DACH1: variants seen among roughly 807,000 people sequenced by gnomAD.
DACH1 encodes the protein dachshund homolog 1.
In DACH1, 12 loss-of-function variants were observed where a neutral mutation model predicts 54.2. That is an observed-to-expected ratio of 0.22 (90% CI 0.14 to 0.36). The LOEUF (loss-of-function observed/expected upper bound fraction) is 0.36, where lower values mean the gene tolerates loss of function less well. DACH1 is among the 10% of genes least tolerant of loss of function. The pLI, the probability that DACH1 is intolerant of heterozygous loss-of-function variation, is 1.00. For missense variants in DACH1, 805 were observed against 929.8 expected (o/e 0.87, Z 1.75); for synonymous variants, 386 against 366.2 (o/e 1.05, Z -0.62).
At chr13:71,675,223 C>A in intron 2 of DACH1, 4 of 1,570,888 alleles carry the variant, frequency 2.5e-6, no homozygotes, top group Admixed American at 3.3e-5. Flanking sequence ...TGAAGTTAGA[C>A]GTTATCAGAA....
chr13:71,476,313 G>A (rs999370003), intron 8 of DACH1, among the ~76,000 whole-genome samples: 1 of 152,058 alleles, frequency 6.6e-6, no homozygotes, highest in Non-Finnish European at 1.5e-5. Flanking sequence ...CCCTAAAAAC[G>A]CTTTGGAAAG....
intron 2 of DACH1, among the ~76,000 whole-genome samples, chr13:71,680,599 T>C (rs2138699645): frequency 6.6e-6 from 1 of 152,282 alleles, no homozygotes; most frequent in African/African-American, 2.4e-5. Context: ...GGGAGACTCT[T>C]TGTCTTAAAA....
chr13:71,642,917 C>T (rs549814161), intron 2 of DACH1, among the ~76,000 whole-genome samples: 13 of 151,708 alleles, frequency 8.6e-5, no homozygotes, highest in African/African-American at 3.1e-4. Context: ...CCCAGCTACT[C>T]GGGAGGCTGA....
chr13:71,605,323 A>G (rs1874792342), intron 3 of DACH1, among the ~76,000 whole-genome samples: 1 of 151,822 alleles, frequency 6.6e-6, no homozygotes, highest in Non-Finnish European at 1.5e-5. Flanking sequence ...GATACAACTA[A>G]TGTATTGTAA....
chr13:71,676,754 T>A (rs924347147), intron 2 of DACH1, among the ~76,000 whole-genome samples: 1 of 152,214 alleles, frequency 6.6e-6, no homozygotes, highest in African/African-American at 2.4e-5. Context: ...TCTAGATTAA[T>A]ATTGCCCCGG....
intron 6 of DACH1, among the ~76,000 whole-genome samples, chr13:71,552,848 G>T (rs191754994): frequency 2.8e-4 from 23 of 81,850 alleles, no homozygotes; most frequent in African/African-American, 4.8e-4. Flanking sequence ...TATATAGAGA[G>T]AGAGAGAGAG....
chr13:71,748,888 T>TTC (rs760090151), intron 1 of DACH1, among the ~76,000 whole-genome samples: 4 of 59,916 alleles, frequency 6.7e-5, no homozygotes, highest in East Asian at 4.9e-4. Flanking sequence ...CTTTCTTTCT[T>TTC]TCTTTCTTTC....
chr13:71,445,294 A>G (rs563387384), intron 10 of DACH1, among the ~76,000 whole-genome samples: 129 of 152,336 alleles, frequency 8.5e-4, no homozygotes, highest in African/African-American at 2.5e-3. Flanking sequence ...ACTCTCTTAG[A>G]TTTGTAAAAT....
intron 2 of DACH1, among the ~76,000 whole-genome samples, chr13:71,663,876 T>C (rs546283127): frequency 6.6e-6 from 1 of 151,960 alleles, no homozygotes; most frequent in African/African-American, 2.4e-5. Context: ...GAGTTCAATA[T>C]GTAAAGTTCA....
At chr13:71,518,532 T>C (rs1881330070) in intron 6 of DACH1, among the ~76,000 whole-genome samples, 1 of 151,914 alleles carries the variant, frequency 6.6e-6, no homozygotes, top group African/African-American at 2.4e-5. Flanking sequence ...ATTTCATGTG[T>C]CTTTTATAGC....
intron 3 of DACH1, among the ~76,000 whole-genome samples, chr13:71,617,006 C>T (rs1031432996): frequency 3.3e-5 from 5 of 151,730 alleles, no homozygotes; most frequent in East Asian, 2.0e-4. Context: ...CTCAGCCTCC[C>T]GAGTAGCTGG....
intron 1 of DACH1, among the ~76,000 whole-genome samples, chr13:71,864,180 T>TACACACACACACACACACACACACAC (rs55651625): frequency 1.2e-4 from 13 of 108,426 alleles, no homozygotes; most frequent in African/African-American, 4.7e-4. Flanking sequence ...CGCGCGCACA[T>TACACACACACACACACACACACACAC]ACACACACAC....
At chr13:71,862,470 ACTTTGTC>A (rs1244859654) in intron 1 of DACH1, among the ~76,000 whole-genome samples, 1 of 152,068 alleles carries the variant, frequency 6.6e-6, no homozygotes, top group African/African-American at 2.4e-5. Context: ...TCAAGGACAG[ACTTTGTC>A]CTTTGACAAC....
intron 2 of DACH1, among the ~76,000 whole-genome samples, chr13:71,654,389 CAAAAT>C (rs540730866): frequency 0.085 from 5,070 of 59,978 alleles, 636 homozygotes; most frequent in Middle Eastern, 0.13. Flanking sequence ...GACTCTGTCT[CAAAAT>C]AAAATAAAAT....
At chr13:71,697,489 A>G (rs1233706336) in intron 1 of DACH1, among the ~76,000 whole-genome samples, 2 of 152,228 alleles carry the variant, frequency 1.3e-5, no homozygotes, top group Non-Finnish European at 2.9e-5. Context: ...GCTCTTCAAA[A>G]TGATGTGGTT....
rs115552596 is a variant in DACH1, at chr13:71,543,108, G to A, written c.1570+13916C>T. On this transcript the variant is annotated intron_variant, in intron 6 of 10. Transcript: ENST00000613252. ...CACCCACTGCCTAAGTTTGAAAACT[G>A]GATTTAAGTCAGGAAACAACAAGGT... is the stretch of plus-strand genomic sequence containing the variant. Among the ~76,000 whole-genome samples the A allele has an allele frequency of 5.1e-3, 770 of 152,166 alleles. 6 individuals carry two copies. Among genetic ancestry groups the A allele is most frequent in the African/African-American group, 0.016 (669 of 41,552 alleles).
At chr13:71,578,371 A>G (rs555037856) in intron 3 of DACH1, among the ~76,000 whole-genome samples, 1 of 152,310 alleles carries the variant, frequency 6.6e-6, no homozygotes, top group African/African-American at 2.4e-5. Context: ...ACTTCTAAAT[A>G]AAAGTAAATA....
chr13:71,855,540 C>T (rs1180356092), intron 1 of DACH1, among the ~76,000 whole-genome samples: 1 of 151,996 alleles, frequency 6.6e-6, no homozygotes, highest in Non-Finnish European at 1.5e-5. Flanking sequence ...CAAACTACTA[C>T]ACACCTAAAT....
intron 3 of DACH1, among the ~76,000 whole-genome samples, 199 bp downstream of exon 3, chr13:71,630,356 AT>A (rs1472906577): frequency 5.3e-5 from 8 of 152,290 alleles, no homozygotes; most frequent in Admixed American, 4.6e-4. Flanking sequence ...ATTAAAAATA[AT>A]GTTGCTAATT....
Sources: allele counts gnomAD v4.1 joint callset (sites outside exome capture counted in the v4.1 genomes callset), GRCh38; gene constraint gnomAD v4.1.1; transcripts MANE v1.5; gene names NCBI Gene and HGNC (gene_info 2026-07-23, HGNC 2026-07-21).